CEMIP: variants seen among roughly 807,000 people sequenced by gnomAD.
The protein encoded by CEMIP is cell migration inducing hyaluronidase 1, also known as cell migration-inducing and hyaluronan-binding protein.
Under a neutral mutation model 156.9 loss-of-function variants are expected in CEMIP, and 105 were observed. The observed-to-expected ratio is 0.67, with a 90% CI of 0.57 to 0.79. The LOEUF is 0.79. CEMIP is among the 30% of genes least tolerant of loss of function. The probability of loss-of-function intolerance (pLI) is 0.00; values close to 1 mark genes in which losing one functional copy is unlikely to be tolerated. For missense variants in CEMIP, 1,457 were observed against 1,769.4 expected (o/e 0.82, Z 3.17); for synonymous variants, 676 against 668.4 (o/e 1.01, Z -0.17).
chr15:80,803,978 C>T (rs1896446660), intron 1 of CEMIP, among the ~76,000 whole-genome samples: 1 of 152,174 alleles, frequency 6.6e-6, no homozygotes. Context: ...CTGGGGAGGC[C>T]TCACAATGAT....
At chr15:80,788,584 A>G (rs12324314) in intron 1 of CEMIP, among the ~76,000 whole-genome samples, 23,140 of 152,210 alleles carry the variant, frequency 0.15, 3,072 homozygotes, top group African/African-American at 0.36. Flanking sequence ...TGTTACAGGC[A>G]CTGAGTAATT....
intron 14 of CEMIP, among the ~76,000 whole-genome samples, chr15:80,918,329 G>A (rs1160673281): frequency 6.6e-6 from 1 of 152,102 alleles, no homozygotes; most frequent in African/African-American, 2.4e-5. Context: ...GTCTACATCA[G>A]GGCCTCTCAA....
chr15:80,906,613 G>C lies in CEMIP; in HGVS notation c.1412-50G>C, dbSNP rs200290265. On this transcript the variant is annotated intron_variant, in intron 12 of 29. Coordinates refer to ENST00000394685, the MANE Select transcript of CEMIP (RefSeq NM_001293298.2). The surrounding 1 kb of genome is among the most constrained non-coding windows in gnomAD (Gnocchi z 4.3). ...GCACCTGGCAGGGGCCCAGAACTCA[G>C]TGGGCATGCAGTACCTGCTGTTGTT... 2 of 1,564,962 alleles carry C rather than the reference G, an allele frequency of 1.3e-6. No homozygotes were observed. The highest frequency in any genetic ancestry group is 1.7e-6 in the Non-Finnish European group (2 of 1,147,722).
intron 1 of CEMIP, among the ~76,000 whole-genome samples, chr15:80,872,385 CATT>C (rs1311899358): frequency 6.6e-6 from 1 of 152,194 alleles, no homozygotes; most frequent in Non-Finnish European, 1.5e-5. Flanking sequence ...CTCCAAGCGA[CATT>C]ATAGCCTGAA....
chr15:80,870,516 G>T (rs894766280), intron 1 of CEMIP, among the ~76,000 whole-genome samples: 1 of 152,148 alleles, frequency 6.6e-6, no homozygotes, highest in African/African-American at 2.4e-5. Context: ...CTCTTCCCCT[G>T]TCTCCCCTTG....
intron 14 of CEMIP, among the ~76,000 whole-genome samples, chr15:80,918,009 T>A (rs989496003): frequency 6.6e-6 from 1 of 152,192 alleles, no homozygotes; most frequent in African/African-American, 2.4e-5. Context: ...GTGCAGTGGC[T>A]CACGCCTGTA....
chr15:80,880,909 A>G lies in CEMIP; in HGVS notation c.390A>G (p.Glu130=), dbSNP rs529223212. ...CTGTTTTCTCTTGCAGGGCTGATGA[A>G]GGTATTCAGCCGGATCCTTACTATG... is the stretch of plus-strand genomic sequence containing the variant. The part of the protein sequence containing the change: ...FTIILYGRAD[E]GIQPDPYYGL... Residue 130 remains glutamate, a synonymous_variant, in exon 6 of 30, where the codon GAA becomes GAG. Coordinates refer to ENST00000394685, the MANE Select transcript of CEMIP (RefSeq NM_001293298.2). 1.2e-6 allele frequency: 2 copies of G among 1,613,340 alleles called. No homozygotes were observed. Among genetic ancestry groups the G allele is most frequent in the South Asian group, 1.1e-5 (1 of 91,070 alleles).
At chr15:80,790,538 G>A (rs887736573) in intron 1 of CEMIP, among the ~76,000 whole-genome samples, 2 of 150,818 alleles carry the variant, frequency 1.3e-5, no homozygotes, top group Non-Finnish European at 2.9e-5. Context: ...TTTTGCAGAT[G>A]GAGAAGGTCA....
intron 1 of CEMIP, among the ~76,000 whole-genome samples, chr15:80,859,131 C>G (rs924045013): frequency 6.6e-6 from 1 of 152,192 alleles, no homozygotes. Flanking sequence ...ATCACAGCAG[C>G]CAGGGGAATG....
At chr15:80,841,428 C>A (rs932175333) in intron 1 of CEMIP, among the ~76,000 whole-genome samples, 1 of 152,170 alleles carries the variant, frequency 6.6e-6, no homozygotes, top group Non-Finnish European at 1.5e-5. Flanking sequence ...ATGGGATCAT[C>A]CTTTCCCTGC....
chr15:80,835,081 C>CAGAG (rs36062989), intron 1 of CEMIP, among the ~76,000 whole-genome samples: 23 of 150,766 alleles, frequency 1.5e-4, no homozygotes, highest in South Asian at 2.1e-4. Context: ...GTCCTCATTG[C>CAGAG]AGAGAGAGAG....
chr15:80,851,745 A>G (rs1275169606), intron 1 of CEMIP, among the ~76,000 whole-genome samples: 4 of 152,060 alleles, frequency 2.6e-5, no homozygotes, highest in Admixed American at 6.6e-5. Context: ...CCAGAGTGTA[A>G]GTTAGAAGGT....
intron 1 of CEMIP, among the ~76,000 whole-genome samples, chr15:80,866,931 C>T (rs920416830): frequency 1.3e-5 from 2 of 152,010 alleles, no homozygotes; most frequent in African/African-American, 2.4e-5. Flanking sequence ...CCTTTCCTCC[C>T]AAGCAAGCAG....
In CEMIP at chr15:80,933,520, G is replaced by A. The variant is rs112509517; in HGVS notation, c.3009+60G>A. On this transcript the variant is annotated intron_variant, in intron 23 of 29. Coordinates refer to ENST00000394685, the MANE Select transcript of CEMIP (RefSeq NM_001293298.2). ...TATTCACTCATGCAACAAGCATTCA[G>A]TGAGTGTCTACTCTATGCCTGGCTC... The A allele has an allele frequency of 5.7e-5, 75 of 1,324,346 alleles. No individual in the cohort carries two copies. The Middle Eastern group carries it at 1.2e-3, about 21-fold the overall frequency. 82.0% of individuals were successfully genotyped at this position (1,324,346 alleles called of 1,614,324 possible). A position where few individuals can be genotyped will look rare whatever the true frequency, so the allele number is the denominator to read the frequency against.
chr15:80,829,280 G>A (rs1041703400), intron 1 of CEMIP, among the ~76,000 whole-genome samples: 3 of 152,204 alleles, frequency 2.0e-5, no homozygotes, highest in Admixed American at 6.5e-5. Flanking sequence ...CACTCCTTCC[G>A]TCTTCTGGGT....
intron 1 of CEMIP, among the ~76,000 whole-genome samples, chr15:80,797,241 G>C (rs933763126): frequency 6.6e-6 from 1 of 152,182 alleles, no homozygotes; most frequent in Non-Finnish European, 1.5e-5. Flanking sequence ...TATAAATAGA[G>C]TACAATGTGT....
At chr15:80,794,640 A>G (rs1896169098) in intron 1 of CEMIP, among the ~76,000 whole-genome samples, 1 of 152,174 alleles carries the variant, frequency 6.6e-6, no homozygotes, top group African/African-American at 2.4e-5. Context: ...GATTGTTTAC[A>G]TTTTTTTATA....
intron 14 of CEMIP, among the ~76,000 whole-genome samples, chr15:80,910,892 TTC>T (rs915988697): frequency 5.9e-5 from 9 of 152,350 alleles, no homozygotes; most frequent in Non-Finnish European, 1.0e-4. Flanking sequence ...TAGGATTTTT[TTC>T]TGTCTCAAGG....
intron 1 of CEMIP, among the ~76,000 whole-genome samples, chr15:80,796,837 T>A (rs1232830449): frequency 6.6e-6 from 1 of 152,186 alleles, no homozygotes; most frequent in Non-Finnish European, 1.5e-5. Context: ...TTTATGTCCA[T>A]ATAAGGCAAA....
Sources: gnomAD v4.1 joint callset for allele counts (sites outside exome capture counted in the v4.1 genomes callset) on GRCh38, gnomAD v4.1.1 for gene constraint, Gnocchi (gnomAD v3.1) non-coding constraint, MANE v1.5 for transcripts, NCBI Gene and HGNC (gene_info 2026-07-23, HGNC 2026-07-21) for gene names.